Variants in MYO10 observed in about 807,000 individuals in gnomAD.
The protein encoded by MYO10 is unconventional myosin-X.
In MYO10, 133 loss-of-function variants were observed where a neutral mutation model predicts 257.3. The ratio of observed to expected loss-of-function variants is 0.52; its 90% CI spans 0.45 to 0.60. The LOEUF (loss-of-function observed/expected upper bound fraction) is 0.60, where lower values mean the gene tolerates loss of function less well. MYO10 is among the 20% of genes least tolerant of loss of function. MYO10 has a pLI of 0.00. For missense variants in MYO10, 2,399 were observed against 2,635.7 expected (o/e 0.91, Z 1.97); for synonymous variants, 1,104 against 1,028.6 (o/e 1.07, Z -1.40).
At chr5:16,878,903 G>A (rs532953813) in intron 1 of MYO10, among the ~76,000 whole-genome samples, 4 of 151,644 alleles carry the variant, frequency 2.6e-5, no homozygotes, top group South Asian at 4.2e-4. Context: ...GGTGATGGGT[G>A]CGCCAGAATC....
chr5:16,700,625 CA>C (rs948950494), intron 25 of MYO10, among the ~76,000 whole-genome samples: 11 of 152,014 alleles, frequency 7.2e-5, no homozygotes, highest in Non-Finnish European at 1.3e-4. Flanking sequence ...TGCAGTGAGG[CA>C]AAATCCTGCC....
intron 4 of MYO10, among the ~76,000 whole-genome samples, chr5:16,792,128 C>CAGAG (rs1317185804): frequency 1.6e-4 from 22 of 137,820 alleles, no homozygotes; most frequent in African/African-American, 6.3e-4. Context: ...CACACACACA[C>CAGAG]ACACAGAGAG....
intron 2 of MYO10, among the ~76,000 whole-genome samples, chr5:16,834,869 T>A (rs1289780269): frequency 1.3e-5 from 2 of 152,236 alleles, no homozygotes; most frequent in Non-Finnish European, 2.9e-5. Context: ...CATTTCCAAG[T>A]GCCCATTGAG....
chr5:16,771,547 T>TTTATTATTATTA (rs201265648), intron 9 of MYO10, among the ~76,000 whole-genome samples: 18 of 136,894 alleles, frequency 1.3e-4, no homozygotes, highest in South Asian at 7.3e-4. Context: ...ACTATTATGA[T>TTTATTATTATTA]TTATTATTAT....
intron 8 of MYO10, among the ~76,000 whole-genome samples, chr5:16,780,003 G>A (rs569869625): frequency 1.3e-5 from 2 of 152,274 alleles, no homozygotes; most frequent in African/African-American, 4.8e-5. Flanking sequence ...CCGGGTTCAA[G>A]CGATTCTCCT....
At chr5:16,731,509 G>A (rs995615918) in intron 19 of MYO10, among the ~76,000 whole-genome samples, 6 of 151,154 alleles carry the variant, frequency 4.0e-5, no homozygotes, top group African/African-American at 1.5e-4. Context: ...CACCATGCCT[G>A]GCTAATTTTT....
At chr5:16,851,677 C>T (rs536924371) in intron 2 of MYO10, among the ~76,000 whole-genome samples, 1 of 152,176 alleles carries the variant, frequency 6.6e-6, no homozygotes. Flanking sequence ...AAGTCCTCTG[C>T]GAAGATCAAA....
chr5:16,801,684 G>A (rs1284509687), intron 3 of MYO10, among the ~76,000 whole-genome samples: 1 of 152,076 alleles, frequency 6.6e-6, no homozygotes, highest in Non-Finnish European at 1.5e-5. Context: ...CTCTAAACAA[G>A]AGAAAACTAA....
chr5:16,775,784 G>C lies in MYO10; in HGVS notation c.930+3761C>G, dbSNP rs528403486. 1.7e-3 allele frequency among the ~76,000 whole-genome samples: 257 copies of C among 152,152 alleles called. 2 individuals are homozygous for C. Among genetic ancestry groups the C allele is most frequent in the African/African-American group, 5.7e-3 (238 of 41,516 alleles). ...CGCCCAGCTAATTTTTGTATTTTTA[G>C]TACAGATGGGGTTTCACTATGTTGG... is the stretch of plus-strand genomic sequence containing the variant. On this transcript the variant is annotated intron_variant, in intron 9 of 40. Transcript: ENST00000513610.
chr5:16,780,415 G>T, intron 8 of MYO10, 109 bp downstream of exon 8: 2 of 1,033,806 alleles, frequency 1.9e-6, no homozygotes, highest in Non-Finnish European at 2.9e-6. Flanking sequence ...ACATTTCATT[G>T]CTATCGGTGA....
At chr5:16,734,141 T>C (rs1323241749) in intron 19 of MYO10, among the ~76,000 whole-genome samples, 5 of 148,874 alleles carry the variant, frequency 3.4e-5, no homozygotes, top group Admixed American at 3.3e-4. Context: ...AACAAAGGAG[T>C]ATATGCTCCT....
chr5:16,756,463 T>C (rs762034200), intron 18 of MYO10, among the ~76,000 whole-genome samples: 7 of 152,176 alleles, frequency 4.6e-5, no homozygotes, highest in Non-Finnish European at 7.3e-5. Flanking sequence ...TTTAATCCAC[T>C]GGCTTTCCCT....
chr5:16,818,133 T>C lies in MYO10; in HGVS notation c.155A>G (p.Gln52Arg). The C allele has an allele frequency of 6.2e-7, 1 of 1,604,210 alleles. No individual in the cohort carries two copies. Among genetic ancestry groups the C allele is most frequent in the East Asian group, 2.2e-5 (1 of 44,580 alleles). The change falls in exon 3 of 41, where the codon CAG (glutamine) becomes CGG (arginine). Residue 52 changes from glutamine (Q) to arginine (R), a missense_variant. Transcript: ENST00000513610. ...FTYKQSTITH[Q>R]KVTAMHPTNE... ...CGTGGGGTGCATAGCAGTCACCTTC[T>C]GGTGGGTAATTGTGCTCTGCTTGTA... is the stretch of plus-strand genomic sequence containing the variant.
intron 2 of MYO10, among the ~76,000 whole-genome samples, chr5:16,872,179 G>C (rs1025368941): frequency 1.3e-5 from 2 of 152,218 alleles, no homozygotes; most frequent in African/African-American, 4.8e-5. Flanking sequence ...GGCACCCAGA[G>C]ACTGGTAGAG....
Position 16,701,466 on chromosome 5 carries a change from C to T in MYO10, c.2929G>A (p.Glu977Lys), listed in dbSNP as rs905725261. ...CTGAAGTTGAAGTTGGGCTTCTCCT[C>T]GCATGCGCTCTCAGCCAGCTCGCTG... ...FSSELAESAC[E>K]EKPNFNFSQP... is the part of the protein sequence containing the mutation. Residue 977 changes from glutamate (E) to lysine (K), a missense_variant, in exon 25 of 41, where the codon GAG becomes AAG. Glu to Lys is a moderately conservative substitution (Grantham distance 56). This residue lies in a region of MYO10 where 1,820 missense variants were observed against 1,939.4 expected (regional missense o/e 0.94). Transcript: ENST00000513610. The surrounding 1 kb of genome is among the most constrained non-coding windows in gnomAD (Gnocchi z 8.1). The T allele has an allele frequency of 6.8e-6, 11 of 1,613,848 alleles. No individual in the cohort carries two copies. Among genetic ancestry groups the T allele is most frequent in the Admixed American group, 1.7e-5 (1 of 60,006 alleles).
chr5:16,671,250 G>C (rs1736445731), intron 38 of MYO10, among the ~76,000 whole-genome samples, 172 bp downstream of exon 38: 1 of 152,220 alleles, frequency 6.6e-6, no homozygotes, highest in Non-Finnish European at 1.5e-5. Flanking sequence ...CAAATAAAAT[G>C]TGTAGCAGGT....
rs575660172 is a variant in MYO10 at position 16,935,825 on chromosome 5, C to G, written c.-17G>C. On this transcript the variant is annotated 5_prime_UTR_variant, in exon 1 of 41. Coordinates refer to ENST00000513610, the MANE Select transcript of MYO10 (RefSeq NM_012334.3). The stretch of plus-strand genomic sequence containing the variant: ...GTTATCCATTGTTCCAGCGCAGTCC[C>G]GGACTCGCCGAGTGCCGCTCCGACT... 1.2e-5 allele frequency: 19 copies of G among 1,612,710 alleles called. No homozygotes were observed. The East Asian group carries it at 2.7e-4, about 23-fold the overall frequency.
chr5:16,935,086 G>A (rs996256820), intron 1 of MYO10, among the ~76,000 whole-genome samples: 1 of 152,160 alleles, frequency 6.6e-6, no homozygotes, highest in East Asian at 1.9e-4. Context: ...AAGTTTCAGT[G>A]TCCCACCCTC....
At chr5:16,766,810 C>T (rs1166406135) in intron 10 of MYO10, among the ~76,000 whole-genome samples, 2 of 138,510 alleles carry the variant, frequency 1.4e-5, no homozygotes, top group African/African-American at 5.4e-5. Context: ...CACTCTGTAG[C>T]CCAGGCTGGA....
Sources: allele counts gnomAD v4.1 joint callset (sites outside exome capture counted in the v4.1 genomes callset), GRCh38; gene constraint gnomAD v4.1.1; regional missense constraint gnomAD v4.1.1; non-coding constraint Gnocchi (gnomAD v3.1); transcripts MANE v1.5; gene names NCBI Gene and HGNC (gene_info 2026-07-23, HGNC 2026-07-21).